The following ARID3C variants were observed in gnomAD, a reference collection of about 807,000 sequenced individuals.
ARID3C encodes the protein AT-rich interactive domain-containing protein 3C.
ARID3C carries 42 observed loss-of-function variants against 37.9 expected under a neutral mutation model. The observed-to-expected ratio is 1.11, with a 90% CI of 0.87 to 1.43. The LOEUF (loss-of-function observed/expected upper bound fraction) is 1.43. Among genes scored for constraint, ARID3C ranks in the 40% most tolerant of loss-of-function variants. The pLI, the probability that ARID3C is intolerant of heterozygous loss-of-function variation, is 0.00. For synonymous variants in ARID3C, 213 were observed against 228.0 expected (o/e 0.93, Z 0.59); for missense variants, 581 against 548.8 (o/e 1.06, Z -0.59).
At position 34,623,973 on chromosome 9, in the gene ARID3C, CG is replaced by C; in HGVS notation, c.465del (p.Ala156ProfsTer39). The C allele has an allele frequency of 1.2e-6, 2 of 1,604,352 alleles. No individual in the cohort carries two copies. Among genetic ancestry groups the C allele is most frequent in the Non-Finnish European group, 1.7e-6 (2 of 1,177,680 alleles). On this transcript the variant is annotated frameshift_variant, in exon 3 of 7. Transcript: ENST00000378909. LOFTEE classifies it high-confidence loss of function. ...ATGACTTCCACCAGGCCGCCCTTGG[CG>C]GTCACCAGGCGAAACAGAGCGTACA...
intron 2 of ARID3C, 29 bp downstream of exon 3, chr9:34,625,713 G>A (rs763495807): frequency 6.8e-6 from 11 of 1,613,054 alleles, no homozygotes; most frequent in Non-Finnish European, 9.3e-6. Flanking sequence ...GGCAATTCCA[G>A]GGCCCTTCCC....
At chr9:34,623,666 G>T (rs1820611519) in exon 4 of ARID3C, 2 of 1,585,728 alleles carry the variant, frequency 1.3e-6, no homozygotes, top group African/African-American at 2.7e-5. Context: ...CCCCTGGGGA[G>T]CTGAGCGCTC....
rs113833171 is a variant in ARID3C at position 34,623,582 on chromosome 9, G to A, written c.708C>T (p.Gly236=). The change falls in exon 4 of 7, where the codon GGC becomes GGT. Residue 236 remains glycine, a synonymous_variant. Transcript: ENST00000378909. ...CGCCCCGAGGGGGCGGCCCTGCCAA[G>A]CCGAAGAGCGGAGTAGCGGTGTAAG... 10 of 1,608,748 alleles carry A rather than the reference G, an allele frequency of 6.2e-6. No homozygotes were observed. In the African/African-American group the frequency reaches 1.3e-4, roughly 21 times the overall value.
intron 2 of ARID3C, 114 bp downstream of exon 3, chr9:34,625,628 C>G: frequency 9.5e-7 from 1 of 1,050,076 alleles, no homozygotes; most frequent in Admixed American, 2.0e-5. Context: ...CTATCGAGGG[C>G]CCAAAGGACA....
upstream of ARID3C, among the ~76,000 whole-genome samples, chr9:34,629,082 G>T (rs1366006013): frequency 6.6e-6 from 1 of 152,038 alleles, no homozygotes; most frequent in African/African-American, 2.4e-5. Context: ...CGGCGGCCGC[G>T]GGGGCGGGAC....
intron 4 of ARID3C, 114 bp from the exon 6 acceptor site, chr9:34,622,643 C>T: frequency 1.8e-6 from 2 of 1,085,668 alleles, no homozygotes; most frequent in East Asian, 2.5e-5. Flanking sequence ...AATCTCTCAT[C>T]CTTCATTCGA....
chr9:34,627,977 G>A lies in ARID3C; in HGVS notation c.38C>T (p.Ala13Val), dbSNP rs939498476. The change falls in exon 1 of 7, where the codon GCC (alanine) becomes GTC (valine). Residue 13 changes from alanine to valine, a missense_variant. Ala to Val is a moderately conservative substitution (Grantham distance 64). Coordinates refer to ENST00000378909, the Ensembl canonical transcript of ARID3C. ...AGGGGCCAATGGCCCCACCCCCTGG[G>A]CCAGCCGAGCTGCCTGCTGCTTCTG... 7 of 1,524,954 alleles carry A rather than the reference G, an allele frequency of 4.6e-6. No homozygotes were observed. The highest frequency in any genetic ancestry group is 1.4e-5 in the African/African-American group (1 of 71,840). 94.5% of individuals were successfully genotyped at this position (1,524,954 alleles called of 1,614,324 possible). A position where few individuals can be genotyped will look rare whatever the true frequency, so the allele number is the denominator to read the frequency against.
chr9:34,629,913 C>A (rs1820708173), upstream of ARID3C, among the ~76,000 whole-genome samples: 1 of 152,026 alleles, frequency 6.6e-6, no homozygotes, highest in Non-Finnish European at 1.5e-5. Context: ...CAGGCGTCCA[C>A]CACCAGACCC....
chr9:34,625,866 C>CTTG, intron 1 of ARID3C, 52 bp from the exon 3 acceptor site: 2 of 1,600,448 alleles, frequency 1.2e-6, no homozygotes, highest in Non-Finnish European at 1.7e-6. Flanking sequence ...CCCTCCCTCC[C>CTTG]TTGACCCCAA....
intron 6 of ARID3C, 109 bp from the exon 8 acceptor site, chr9:34,621,667 C>T: frequency 3.8e-6 from 3 of 794,320 alleles, no homozygotes; most frequent in Non-Finnish European, 6.0e-6. Flanking sequence ...TAGAACACTA[C>T]ACACGTACCC....
intron 6 of ARID3C, 37 bp downstream of exon 7, chr9:34,621,983 A>C (rs1587213446): frequency 1.3e-6 from 2 of 1,595,154 alleles, no homozygotes; most frequent in Non-Finnish European, 1.7e-6. Flanking sequence ...AATACCCCTG[A>C]CCCCATGCCA....
downstream of ARID3C, chr9:34,621,274 C>T: frequency 2.1e-6 from 1 of 479,026 alleles, no homozygotes; most frequent in Non-Finnish European, 3.6e-6. Context: ...GAGGAGGTGC[C>T]CTCCCTTTAC....
chr9:34,627,946 G>T lies in ARID3C; in HGVS notation c.69C>A (p.Cys23Ter), dbSNP rs1281897669. Residue 23 changes from cysteine to a stop codon, truncating the protein, a stop_gained, in exon 1 of 7, where the codon TGC becomes TGA. Coordinates refer to ENST00000378909, the Ensembl canonical transcript of ARID3C. LOFTEE classifies it high-confidence loss of function. ...GGGGAGGCTGCGGTGGCAGCAGCGGGCATGCAGGGGCCAATGGCCCCACCC... is the reference window on the plus strand; with the variant it reads ...GGGGAGGCTGCGGTGGCAGCAGCGGTCATGCAGGGGCCAATGGCCCCACCC... 4 of 1,550,120 alleles carry T rather than the reference G, an allele frequency of 2.6e-6. No homozygotes were observed. The East Asian group carries it at 9.8e-5, about 38-fold the overall frequency.
exon 1 of ARID3C, chr9:34,627,727 G>T: frequency 6.2e-7 from 1 of 1,613,414 alleles, no homozygotes; most frequent in East Asian, 2.2e-5. Context: ...AGGTCCACTC[G>T]TGGGGATGGA....
intron 2 of ARID3C, among the ~76,000 whole-genome samples, chr9:34,625,177 T>A (rs750694659): frequency 1.3e-5 from 2 of 152,120 alleles, no homozygotes; most frequent in African/African-American, 4.8e-5. Context: ...TTCGGTCCCA[T>A]GAATCTGGGA....
intron 4 of ARID3C, 80 bp downstream of exon 5, chr9:34,623,345 T>C: frequency 1.4e-6 from 2 of 1,426,446 alleles, no homozygotes; most frequent in Admixed American, 2.6e-5. Flanking sequence ...ACCTCAATCC[T>C]CACATTTTAA....
At chr9:34,627,146 G>T (rs1820666940) in intron 1 of ARID3C, among the ~76,000 whole-genome samples, 1 of 152,184 alleles carries the variant, frequency 6.6e-6, no homozygotes, top group Non-Finnish European at 1.5e-5. Flanking sequence ...TTTGCATGGG[G>T]CCAGGGTTAG....
chr9:34,621,763 A>G (rs1472449694), intron 6 of ARID3C, among the ~76,000 whole-genome samples: 3 of 152,138 alleles, frequency 2.0e-5, no homozygotes, highest in South Asian at 4.1e-4. Context: ...TAAACAAGGA[A>G]TATTTATGCT....
At chr9:34,623,463 T>A in exon 4 of ARID3C, 1 of 1,537,120 alleles carries the variant, frequency 6.5e-7, no homozygotes, top group East Asian at 2.3e-5. Flanking sequence ...AGCGCATGCA[T>A]GCGCTGGCAG....
Sources: gnomAD v4.1 joint callset for allele counts (sites outside exome capture counted in the v4.1 genomes callset) on GRCh38, gnomAD v4.1.1 for gene constraint, MANE v1.5 for transcripts, NCBI Gene and HGNC (gene_info 2026-07-23, HGNC 2026-07-21) for gene names.